Variants in SMAD2 observed in about 807,000 individuals in gnomAD.
SMAD2 encodes SMAD family member 2.
SMAD2 carries 8 observed loss-of-function variants against 64.4 expected under a neutral mutation model. The observed-to-expected ratio is 0.12, with a 90% CI of 0.07 to 0.22. SMAD2 has a LOEUF of 0.22. SMAD2 is among the 10% of genes least tolerant of loss of function. The pLI, the probability that SMAD2 is intolerant of heterozygous loss-of-function variation, is 1.00. For synonymous variants in SMAD2, 203 were observed against 195.8 expected, an observed-to-expected ratio of 1.04 and a Z score of -0.31; for missense variants, 289 against 561.2, an observed-to-expected ratio of 0.51 and a Z score of 4.90.
chr18:47,866,316 C>CAAAAAAAAAAAAAAAAA (rs34302955), intron 5 of SMAD2, among the ~76,000 whole-genome samples: 2 of 42,096 alleles, frequency 4.8e-5, no homozygotes, highest in African/African-American at 2.0e-4. Context: ...AACACCGTCT[C>CAAAAAAAAAAAAAAAAA]AAAAAAAAAA....
rs1411622242 is a variant in SMAD2 at position 47,840,582 on chromosome 18, T to TA, written c.*1244dup. On this transcript the variant is annotated 3_prime_UTR_variant, in exon 11 of 11. Coordinates refer to ENST00000262160, the MANE Select transcript of SMAD2 (RefSeq NM_005901.6). ...TATGTGTAGAATAACAATCAATTTA[T>TA]AAACTGAATACAACATACTTTAAAA... The TA allele has an allele frequency of 1.1e-4, 26 of 232,062 alleles. No homozygotes were observed. The highest frequency in any genetic ancestry group is 4.6e-4 in the African/African-American group (21 of 45,414). The allele number at this position is 232,062 out of a possible 1,614,324, so 14.4% of individuals were successfully genotyped here.
intron 1 of SMAD2, among the ~76,000 whole-genome samples, chr18:47,910,433 A>T (rs559245541): frequency 6.6e-6 from 1 of 152,212 alleles, no homozygotes; most frequent in African/African-American, 2.4e-5. Context: ...CTTTTATAAC[A>T]CAGATCCTTC....
chr18:47,845,044 A>C (rs777520856), intron 10 of SMAD2: 16 of 575,314 alleles, frequency 2.8e-5, no homozygotes, highest in Non-Finnish European at 4.9e-5. Context: ...CACCGTGTGC[A>C]AACATCTCTC....
intron 2 of SMAD2, among the ~76,000 whole-genome samples, chr18:47,896,227 A>G (rs2033432957): frequency 6.6e-6 from 1 of 152,248 alleles, no homozygotes; most frequent in African/African-American, 2.4e-5. Context: ...AGTGATAGAA[A>G]AAGCTTCAAT....
At position 47,813,187 on chromosome 18, in the gene SMAD2, G is replaced by C. The variant is rs1381053644; in HGVS notation, c.*28640C>G. The C allele has an allele frequency of 1.3e-5, 2 of 152,092 alleles. No homozygotes were observed. Among genetic ancestry groups the C allele is most frequent in the Non-Finnish European group, 2.9e-5 (2 of 68,034 alleles). The allele number at this position is 152,092 out of a possible 1,614,324, so 9.4% of individuals were successfully genotyped here. On this transcript the variant is annotated 3_prime_UTR_variant, in exon 11 of 11. Transcript: ENST00000262160. ...GTCAAGACTGTGCCATTGCACTCCAGCCTGAGTGATGAAACTTGGTCTCAA... is the reference window on the plus strand; with the variant it reads ...GTCAAGACTGTGCCATTGCACTCCACCCTGAGTGATGAAACTTGGTCTCAA...
rs1913027428 is a variant in SMAD2 at position 47,832,307 on chromosome 18, C to G, written c.*9520G>C. The G allele has an allele frequency of 6.6e-6, 1 of 152,150 alleles. No homozygotes were observed. The highest frequency in any genetic ancestry group is 2.4e-5 in the African/African-American group (1 of 41,428). The allele number at this position is 152,150 out of a possible 1,614,324, so 9.4% of individuals were successfully genotyped here. On this transcript the variant is annotated 3_prime_UTR_variant, in exon 11 of 11. Coordinates refer to ENST00000262160, the MANE Select transcript of SMAD2 (RefSeq NM_005901.6). Reference sequence around the variant, plus strand: ...GGCTGAGGTGACAATGTAGAAGGATCTCGAGTCAGCCCTCAATGTTGTTGT... The same window carrying G: ...GGCTGAGGTGACAATGTAGAAGGATGTCGAGTCAGCCCTCAATGTTGTTGT...
chr18:47,822,230 T>C lies in SMAD2; in HGVS notation c.*19597A>G, dbSNP rs1426107002. ...ATAACCAAAACTCTTTGTCTATTTC[T>C]GGTTATGGTAAACTCTCATCAGATT... On this transcript the variant is annotated 3_prime_UTR_variant, in exon 11 of 11. Transcript: ENST00000262160. The C allele has an allele frequency of 1.3e-5, 2 of 152,240 alleles. No individual in the cohort carries two copies. Among genetic ancestry groups the C allele is most frequent in the African/African-American group, 2.4e-5 (1 of 41,470 alleles). 9.4% of individuals were successfully genotyped at this position (152,240 alleles called of 1,614,324 possible).
At chr18:47,841,987 C>CA (rs776816044) in intron 10 of SMAD2, 37 bp from the exon 11 acceptor site, 11 of 1,612,810 alleles carry the variant, frequency 6.8e-6, no homozygotes, top group Non-Finnish European at 2.5e-6. Context: ...TTATGAAATT[C>CA]AAGTCCACAG....
chr18:47,883,156 T>C (rs996309538), intron 2 of SMAD2, among the ~76,000 whole-genome samples: 7 of 152,252 alleles, frequency 4.6e-5, no homozygotes, highest in Non-Finnish European at 8.8e-5. Context: ...TTTAAAACTA[T>C]AAAATTTTCC....
At position 47,813,704 on chromosome 18, in the gene SMAD2, C is replaced by G. The variant is rs1346867687; in HGVS notation, c.*28123G>C. On this transcript the variant is annotated 3_prime_UTR_variant, in exon 11 of 11. Transcript: ENST00000262160. ...TACAGGCATGAGCCACTGTACCCGG[C>G]CCCACAATTTTTTTTTTTTTTTTTT... 1 of 73,538 alleles carries G rather than the reference C, an allele frequency of 1.4e-5. No homozygotes were observed. Among genetic ancestry groups the G allele is most frequent in the Non-Finnish European group, 2.7e-5 (1 of 37,628 alleles). The allele number at this position is 73,538 out of a possible 1,614,324, so 4.6% of individuals were successfully genotyped here. A position where few individuals can be genotyped will look rare whatever the true frequency, so the allele number is the denominator to read the frequency against.
Position 47,824,320 on chromosome 18 carries a change from C to A in SMAD2, c.*17507G>T, listed in dbSNP as rs940838220. On this transcript the variant is annotated 3_prime_UTR_variant, in exon 11 of 11. Coordinates refer to ENST00000262160, the MANE Select transcript of SMAD2 (RefSeq NM_005901.6). ...CCAGAAGAAACCACGCCAGCTTGCA[C>A]AAACACTATTCGCAACCTTACACAG... The A allele has an allele frequency of 6.6e-6, 1 of 152,206 alleles. No individual in the cohort carries two copies. The highest frequency in any genetic ancestry group is 1.5e-5 in the Non-Finnish European group (1 of 68,042). The allele number at this position is 152,206 out of a possible 1,614,324, so 9.4% of individuals were successfully genotyped here. A position where few individuals can be genotyped will look rare whatever the true frequency, so the allele number is the denominator to read the frequency against.
chr18:47,904,007 G>A (rs2033803895), intron 1 of SMAD2, among the ~76,000 whole-genome samples: 1 of 151,680 alleles, frequency 6.6e-6, no homozygotes, highest in Admixed American at 6.6e-5. Flanking sequence ...CTTTTCAAGA[G>A]ATGACAGATA....
chr18:47,897,756 T>C (rs186070651), intron 1 of SMAD2, among the ~76,000 whole-genome samples: 1 of 152,204 alleles, frequency 6.6e-6, no homozygotes, highest in African/African-American at 2.4e-5. Flanking sequence ...AAGTCCCACA[T>C]AACTTTTATT....
rs1414882773 is a variant in SMAD2, at chr18:47,850,608, ATATATAT to A, written c.784+659_784+665del. ...ATATATATTATATATATTATGTATAATATATATTATATATTATATATATATTATATAT... is the reference window on the plus strand; with the variant it reads ...ATATATATTATATATATTATGTATAATATATATTATATATATATTATATAT... On this transcript the variant is annotated intron_variant, in intron 7 of 10. Coordinates refer to ENST00000262160, the MANE Select transcript of SMAD2 (RefSeq NM_005901.6). 8.3e-4 allele frequency among the ~76,000 whole-genome samples: 46 copies of A among 55,392 alleles called. 1 individual carries two copies. The highest frequency in any genetic ancestry group is 1.1e-3 in the Non-Finnish European group (37 of 35,048). The allele number at this position is 55,392 out of a possible 152,430, so 36.3% of individuals were successfully genotyped here. A position where few individuals can be genotyped will look rare whatever the true frequency, so the allele number is the denominator to read the frequency against.
chr18:47,858,611 CAAT>C (rs2030919003), intron 6 of SMAD2, among the ~76,000 whole-genome samples: 1 of 152,008 alleles, frequency 6.6e-6, no homozygotes, highest in Non-Finnish European at 1.5e-5. Flanking sequence ...AAATACATGT[CAAT>C]AATAGTACAA....
intron 7 of SMAD2, 22 bp from the exon 8 acceptor site, chr18:47,848,709 AAAT>A (rs779453140): frequency 6.5e-6 from 10 of 1,526,928 alleles, no homozygotes; most frequent in Non-Finnish European, 9.0e-6. Flanking sequence ...AAAAATAAAA[AAAT>A]AATAAAAGGA....
chr18:47,869,108 A>G, intron 4 of SMAD2, 135 bp downstream of exon 4: 1 of 658,360 alleles, frequency 1.5e-6, no homozygotes, highest in Non-Finnish European at 2.6e-6. Flanking sequence ...TTTAATTACC[A>G]CCAAATAATA....
chr18:47,844,531 C>A (rs1018480060), intron 10 of SMAD2, among the ~76,000 whole-genome samples: 7 of 152,134 alleles, frequency 4.6e-5, no homozygotes, highest in South Asian at 4.1e-4. Context: ...CCACTGATGA[C>A]AAATTAGTTT....
At chr18:47,904,491 C>T (rs1441032225) in intron 1 of SMAD2, among the ~76,000 whole-genome samples, 1 of 151,886 alleles carries the variant, frequency 6.6e-6, no homozygotes, top group Non-Finnish European at 1.5e-5. Flanking sequence ...ACCACCAGTC[C>T]CAGACAAAGG....
Sources: allele counts gnomAD v4.1 joint callset (sites outside exome capture counted in the v4.1 genomes callset), GRCh38; gene constraint gnomAD v4.1.1; transcripts MANE v1.5; gene names NCBI Gene and HGNC (gene_info 2026-07-23, HGNC 2026-07-21).